The following TRIO variants were observed in gnomAD, a reference collection of about 807,000 sequenced individuals.
TRIO encodes the protein triple functional domain protein.
Under a neutral mutation model 351.9 loss-of-function variants are expected in TRIO, and 58 were observed. The observed-to-expected ratio is 0.16, with a 90% CI of 0.13 to 0.21. TRIO has a LOEUF of 0.21. TRIO is among the 10% of genes least tolerant of loss of function. The pLI, the probability that TRIO is intolerant of heterozygous loss-of-function variation, is 1.00. For missense variants in TRIO, 3,201 were observed against 4,027.8 expected (o/e 0.79, Z 5.56); for synonymous variants, 1,758 against 1,595.7 (o/e 1.10, Z -2.42).
At chr5:14,368,482 C>T (rs1054656384) in intron 16 of TRIO, among the ~76,000 whole-genome samples, 2 of 152,140 alleles carry the variant, frequency 1.3e-5, no homozygotes, top group Non-Finnish European at 2.9e-5. Context: ...AGGTCCTGAT[C>T]AATTTCATCC....
chr5:14,318,326 A>G (rs1739564064), intron 9 of TRIO, among the ~76,000 whole-genome samples: 1 of 149,868 alleles, frequency 6.7e-6, no homozygotes, highest in African/African-American at 2.5e-5. Flanking sequence ...GTGCTGGCAC[A>G]TGCTTGTAAT....
chr5:14,304,741 C>T (rs943076724), intron 8 of TRIO, 149 bp downstream of exon 8: 2 of 951,400 alleles, frequency 2.1e-6, no homozygotes, highest in Non-Finnish European at 3.1e-6. Context: ...GCATTTGAAC[C>T]CCTGTGTGTG....
At chr5:14,379,804 A>G (rs1745904487) in intron 20 of TRIO, among the ~76,000 whole-genome samples, 1 of 152,224 alleles carries the variant, frequency 6.6e-6, no homozygotes. Flanking sequence ...TAAAATCCTG[A>G]AGTGCGTGCT....
chr5:14,356,988 C>A (rs1743668465), intron 11 of TRIO, among the ~76,000 whole-genome samples: 2 of 152,188 alleles, frequency 1.3e-5, no homozygotes, highest in African/African-American at 4.8e-5. Flanking sequence ...AGGGCATCAG[C>A]CAGCTTTGAG....
chr5:14,429,156 G>A (rs1369069245), intron 34 of TRIO, among the ~76,000 whole-genome samples: 1 of 152,218 alleles, frequency 6.6e-6, no homozygotes, highest in Non-Finnish European at 1.5e-5. Flanking sequence ...TCTTGAAAAT[G>A]AGTAAGTGGC....
intron 38 of TRIO, among the ~76,000 whole-genome samples, chr5:14,471,839 C>G (rs1754713368): frequency 6.6e-6 from 1 of 151,948 alleles, no homozygotes; most frequent in South Asian, 2.1e-4. Flanking sequence ...TTACTGGTTT[C>G]TCAATGCCAG....
At chr5:14,176,051 T>G (rs1424819254) in intron 1 of TRIO, among the ~76,000 whole-genome samples, 1 of 152,184 alleles carries the variant, frequency 6.6e-6, no homozygotes, top group East Asian at 1.9e-4. Context: ...TGTCTGTAAT[T>G]CCAGCACTTT....
chr5:14,476,921 C>T lies in TRIO; in HGVS notation c.6111C>T (p.Cys2037=). Residue 2037 remains cysteine (C), a synonymous_variant, in exon 41 of 57, where the codon TGC becomes TGT. Coordinates refer to ENST00000344204, the MANE Select transcript of TRIO (RefSeq NM_007118.4). ...TTTTTTTAGGAGAGTTAGAGAAGTG[C>T]CTTGAAGATCCAGAAAAACTAGGAT... is the stretch of plus-strand genomic sequence containing the variant. ...RDFFLGELEK[C]LEDPEKLGSL... 6.2e-7 allele frequency: 1 copy of T among 1,613,856 alleles called. No homozygotes were observed. Among genetic ancestry groups the T allele is most frequent in the Non-Finnish European group, 8.5e-7 (1 of 1,179,918 alleles).
chr5:14,147,405 G>C (rs767929143), intron 1 of TRIO, among the ~76,000 whole-genome samples: 1 of 152,246 alleles, frequency 6.6e-6, no homozygotes, highest in Admixed American at 6.5e-5. Context: ...CTCTGTTCTC[G>C]TGGCAATAAA....
At chr5:14,406,459 G>A in intron 32 of TRIO, 114 bp from the exon 33 acceptor site, 1 of 949,844 alleles carries the variant, frequency 1.1e-6, no homozygotes, top group Non-Finnish European at 1.7e-6. Context: ...CCGCATCCTG[G>A]CAGCAGCAGG....
rs551396880 is a variant in TRIO at position 14,167,042 on chromosome 5, C to A, written c.157+23160C>A. ...CACAATTCCTCAGTCTCTAGATTGA[C>A]CAGGCTCCCCGTGGACCCTAATTAA... On this transcript the variant is annotated intron_variant, in intron 1 of 56. Transcript: ENST00000344204. Among the ~76,000 whole-genome samples, 8 of 151,960 alleles carry A rather than the reference C, an allele frequency of 5.3e-5. No homozygotes were observed. In the East Asian group the frequency reaches 1.5e-3, roughly 29 times the overall value.
At chr5:14,154,439 T>C (rs896219305) in intron 1 of TRIO, among the ~76,000 whole-genome samples, 29 of 152,188 alleles carry the variant, frequency 1.9e-4, no homozygotes, top group African/African-American at 1.7e-4. Flanking sequence ...TATAGCTGTT[T>C]CGTTGTAGCC....
chr5:14,318,091 G>T (rs1319045497), intron 9 of TRIO, among the ~76,000 whole-genome samples: 1 of 147,386 alleles, frequency 6.8e-6, no homozygotes, highest in East Asian at 2.0e-4. Flanking sequence ...TTGCACCATT[G>T]CACTCCAGCC....
intron 20 of TRIO, among the ~76,000 whole-genome samples, chr5:14,378,808 C>T (rs1745808471): frequency 6.6e-6 from 1 of 152,128 alleles, no homozygotes; most frequent in Admixed American, 6.5e-5. Context: ...GATCTGCCTA[C>T]CTTGACCTCC....
At chr5:14,460,506 C>T (rs1019240685) in intron 34 of TRIO, among the ~76,000 whole-genome samples, 4 of 152,212 alleles carry the variant, frequency 2.6e-5, no homozygotes, top group African/African-American at 9.7e-5. Flanking sequence ...CACAATTCTG[C>T]TTTTGTTCAC....
rs771933200 is a variant in TRIO at position 14,489,116 on chromosome 5, T to C, written c.7632+856T>C. ...AATGAGTGTATGTTTGAACGCTTTA[T>C]AAATTTTTAAATACATTTCTCTAAA... On this transcript the variant is annotated intron_variant, in intron 48 of 56. Transcript: ENST00000344204. 11 of 737,946 alleles carry C rather than the reference T, an allele frequency of 1.5e-5. 1 individual carries two copies. In the Admixed American group the frequency reaches 2.0e-4, roughly 13 times the overall value. 45.7% of individuals were successfully genotyped at this position (737,946 alleles called of 1,614,324 possible).
At position 14,401,107 on chromosome 5, in the gene TRIO, A is replaced by T. The variant is rs146502087; in HGVS notation, c.4716+43A>T. On this transcript the variant is annotated intron_variant, in intron 31 of 56. Coordinates refer to ENST00000344204, the MANE Select transcript of TRIO (RefSeq NM_007118.4). ...TGGGAATGTGCTGTTTGAAACATTT[A>T]CTGTGGCCATCCATGCTTGCTTTTC... is the stretch of plus-strand genomic sequence containing the variant. The T allele has an allele frequency of 1.8e-4, 269 of 1,514,818 alleles. No individual in the cohort carries two copies. In the African/African-American group the frequency reaches 2.9e-3, roughly 16 times the overall value. The allele number at this position is 1,514,818 out of a possible 1,614,324, so 93.8% of individuals were successfully genotyped here. A position where few individuals can be genotyped will look rare whatever the true frequency, so the allele number is the denominator to read the frequency against.
chr5:14,298,238 C>T (rs888878479), intron 7 of TRIO, among the ~76,000 whole-genome samples: 1 of 152,178 alleles, frequency 6.6e-6, no homozygotes. Context: ...ACTCCCCATA[C>T]CTCCATTTAA....
chr5:14,333,342 G>A (rs754086664), intron 10 of TRIO, among the ~76,000 whole-genome samples: 8 of 152,180 alleles, frequency 5.3e-5, no homozygotes, highest in East Asian at 1.9e-4. Context: ...TTGCAGGGGC[G>A]GTGAGCTTGT....
Sources: gnomAD v4.1 joint callset for allele counts (sites outside exome capture counted in the v4.1 genomes callset) on GRCh38, gnomAD v4.1.1 for gene constraint, MANE v1.5 for transcripts, NCBI Gene and HGNC (gene_info 2026-07-23, HGNC 2026-07-21) for gene names.